Variants in CDC16 observed in about 807,000 individuals in gnomAD.
The protein encoded by CDC16 is cell division cycle 16, also known as cell division cycle protein 16 homolog.
A neutral mutation model predicts 87.0 loss-of-function variants in CDC16; 34 were observed. That is an observed-to-expected ratio of 0.39 (90% CI 0.30 to 0.52). The LOEUF is 0.52. Among genes scored for constraint, CDC16 ranks in the 20% least tolerant of loss-of-function variants. CDC16 has a pLI of 0.74. For synonymous variants in CDC16, 263 were observed against 260.6 expected (o/e 1.01, Z -0.09); for missense variants, 653 against 751.9 (o/e 0.87, Z 1.54).
chr13:114,245,269 C>A (rs1032066879), intron 9 of CDC16, among the ~76,000 whole-genome samples: 1 of 151,332 alleles, frequency 6.6e-6, no homozygotes, highest in African/African-American at 2.4e-5. Flanking sequence ...GCCTCCCCCC[C>A]CCTTTTTTTT....
In CDC16 at chr13:114,272,717, G is replaced by T; in HGVS notation, c.*274G>T. Reference sequence around the variant, plus strand: ...TTCTTTTCCAATAAACTTTTATTTTGGACTAATTTTTGATTTACAGAAAAA... The same window carrying T: ...TTCTTTTCCAATAAACTTTTATTTTTGACTAATTTTTGATTTACAGAAAAA... On this transcript the variant is annotated 3_prime_UTR_variant, in exon 18 of 18. Transcript: ENST00000356221. 3.4e-6 allele frequency: 1 copy of T among 291,426 alleles called. No individual in the cohort carries two copies. Among genetic ancestry groups the T allele is most frequent in the Non-Finnish European group, 6.3e-6 (1 of 158,138 alleles). The allele number at this position is 291,426 out of a possible 1,614,324, so 18.1% of individuals were successfully genotyped here.
chr13:114,243,984 T>G lies in CDC16; in HGVS notation c.762T>G (p.Thr254=). Residue 254 remains threonine, a synonymous_variant, in exon 8 of 18, where the codon ACT becomes ACG. Transcript: ENST00000356221. ...NCDFKMCYKL[T]SVVMEKDPFH... ...ATTTTAAAATGTGCTACAAGCTTAC[T>G]TCTGTGTAAGTATATCCATCCATTT... 6.2e-7 allele frequency: 1 copy of G among 1,607,868 alleles called. No individual in the cohort carries two copies.
intron 12 of CDC16, among the ~76,000 whole-genome samples, chr13:114,255,314 G>C (rs1566665144): frequency 6.6e-6 from 1 of 151,978 alleles, no homozygotes; most frequent in Non-Finnish European, 1.5e-5. Context: ...AGTTCTCTTT[G>C]TTCCTGTGGG....
chr13:114,254,395 C>T (rs1594624737), intron 12 of CDC16, among the ~76,000 whole-genome samples: 1 of 151,796 alleles, frequency 6.6e-6, no homozygotes, highest in Non-Finnish European at 1.5e-5. Flanking sequence ...GAGTTATTTT[C>T]TTAGGTTGGT....
At chr13:114,269,906 A>G (rs1483320479) in intron 17 of CDC16, among the ~76,000 whole-genome samples, 1 of 152,092 alleles carries the variant, frequency 6.6e-6, no homozygotes, top group Non-Finnish European at 1.5e-5. Context: ...GGGTTTCACC[A>G]TGTTGGCCAG....
chr13:114,260,110 C>T (rs1385763187), intron 14 of CDC16, among the ~76,000 whole-genome samples: 1 of 152,212 alleles, frequency 6.6e-6, no homozygotes, highest in Non-Finnish European at 1.5e-5. Context: ...TTCTCAGCTT[C>T]CTGCTGTTAC....
chr13:114,272,421 C>A lies in CDC16; in HGVS notation c.1841C>A (p.Ser614Tyr). ...MNESDMMLET[S>Y]MSDHST is the part of the protein sequence containing the mutation. ...GAAAGTGACATGATGTTAGAGACAT[C>A]TATGTCAGACCACAGCACGTGACTC... The change falls in exon 18 of 18, where the codon TCT becomes TAT. Residue 614 changes from serine (S) to tyrosine (Y), a missense_variant. By Grantham distance (144) the Ser-to-Tyr change is moderately radical. Coordinates refer to ENST00000356221, the MANE Select transcript of CDC16 (RefSeq NM_001078645.3). 6.2e-7 allele frequency: 1 copy of A among 1,613,722 alleles called. No individual in the cohort carries two copies. The highest frequency in any genetic ancestry group is 1.1e-5 in the South Asian group (1 of 91,038).
At chr13:114,271,209 T>C (rs553650326) in intron 17 of CDC16, among the ~76,000 whole-genome samples, 12 of 151,870 alleles carry the variant, frequency 7.9e-5, no homozygotes, top group African/African-American at 2.2e-4. Flanking sequence ...GCGTGAGCCA[T>C]CGCGCCCGGC....
At chr13:114,265,283 T>C (rs2083129814) in intron 17 of CDC16, 43 bp downstream of exon 17, 1 of 1,209,626 alleles carries the variant, frequency 8.3e-7, no homozygotes, top group Non-Finnish European at 1.2e-6. Context: ...CTCCATTTTT[T>C]AGGTTGTCAT....
At chr13:114,262,060 G>T in intron 15 of CDC16, 112 bp downstream of exon 15, 2 of 585,850 alleles carry the variant, frequency 3.4e-6, no homozygotes, top group South Asian at 2.7e-5. Flanking sequence ...TCTTGTACTT[G>T]GCTGCTCAGA....
intron 7 of CDC16, 21 bp downstream of exon 7, chr13:114,243,369 A>T: frequency 8.8e-7 from 1 of 1,134,496 alleles, no homozygotes; most frequent in Non-Finnish European, 1.3e-6. Flanking sequence ...CCAAAGAGTT[A>T]GCACTTGCTT....
intron 11 of CDC16, among the ~76,000 whole-genome samples, chr13:114,247,820 G>A (rs1340817217): frequency 2.6e-5 from 4 of 152,132 alleles, no homozygotes; most frequent in Non-Finnish European, 5.9e-5. Context: ...AGGTTGCAGT[G>A]AGCTGATATC....
In CDC16 at chr13:114,256,706, A is replaced by G. The variant is rs147927961; in HGVS notation, c.1098-372A>G. ...TAAAGGGAAGTAGAAGTTGAACCCA[A>G]TCTTGAAGGATAAATGGTGGTGAGT... On this transcript the variant is annotated intron_variant, in intron 12 of 17. Coordinates refer to ENST00000356221, the MANE Select transcript of CDC16 (RefSeq NM_001078645.3). 9.8e-3 allele frequency among the ~76,000 whole-genome samples: 1,487 copies of G among 152,328 alleles called. 22 individuals are homozygous for G. The highest frequency in any genetic ancestry group is 0.034 in the African/African-American group (1,413 of 41,576).
At position 114,272,482 on chromosome 13, in the gene CDC16, G is replaced by C. The variant is rs1007399637; in HGVS notation, c.*39G>C. Reference sequence around the variant, plus strand: ...TCCTGGTCCCACTGTCCCAGTGTAGGTTAGTATTCCTTCACATCCTCTCCA... The same window carrying C: ...TCCTGGTCCCACTGTCCCAGTGTAGCTTAGTATTCCTTCACATCCTCTCCA... On this transcript the variant is annotated 3_prime_UTR_variant, in exon 18 of 18. Transcript: ENST00000356221. 1 of 1,582,820 alleles carries C rather than the reference G, an allele frequency of 6.3e-7. No homozygotes were observed. The highest frequency in any genetic ancestry group is 1.4e-5 in the African/African-American group (1 of 73,894).
intron 17 of CDC16, among the ~76,000 whole-genome samples, chr13:114,270,802 C>T (rs1289091869): frequency 6.6e-6 from 1 of 152,092 alleles, no homozygotes; most frequent in Admixed American, 6.5e-5. Context: ...AAGTCTGAGC[C>T]TTAGTTTCCT....
Position 114,252,983 on chromosome 13 carries a change from T to C in CDC16, c.1097+2309T>C, listed in dbSNP as rs1974083. ...ACCTTATCTTTACAAAAAAAAAATTTAAAATTAGCTGGGTTTGATGGTGCC... is the reference window on the plus strand; with the variant it reads ...ACCTTATCTTTACAAAAAAAAAATTCAAAATTAGCTGGGTTTGATGGTGCC... On this transcript the variant is annotated intron_variant, in intron 12 of 17. Transcript: ENST00000356221. Among the ~76,000 whole-genome samples, 6 of 152,002 alleles carry C rather than the reference T, an allele frequency of 3.9e-5. No individual in the cohort carries two copies. The East Asian group carries it at 1.2e-3, about 29-fold the overall frequency.
chr13:114,253,324 C>T (rs2082301601), intron 12 of CDC16, among the ~76,000 whole-genome samples: 1 of 152,100 alleles, frequency 6.6e-6, no homozygotes, highest in Non-Finnish European at 1.5e-5. Context: ...AAATTTTCTT[C>T]TTTTGTTGTT....
chr13:114,246,520 A>G (rs969355472), intron 10 of CDC16, among the ~76,000 whole-genome samples: 11 of 152,238 alleles, frequency 7.2e-5, no homozygotes, highest in African/African-American at 2.7e-4. Context: ...GGACAAAATC[A>G]GGAATCAGGG....
intron 3 of CDC16, among the ~76,000 whole-genome samples, chr13:114,238,378 T>G (rs113632178): frequency 3.6e-5 from 5 of 139,874 alleles, no homozygotes; most frequent in African/African-American, 1.4e-4. Context: ...TCACACTCAG[T>G]GCCTGAAGTG....
Sources: allele counts gnomAD v4.1 joint callset (sites outside exome capture counted in the v4.1 genomes callset), GRCh38; gene constraint gnomAD v4.1.1; transcripts MANE v1.5; gene names NCBI Gene and HGNC (gene_info 2026-07-23, HGNC 2026-07-21).